LMF1: variants seen among roughly 807,000 people sequenced by gnomAD.
The protein encoded by LMF1 is lipase maturation factor 1, also known as transmembrane protein 112.
A neutral mutation model predicts 60.6 loss-of-function variants in LMF1; 68 were observed. That is an observed-to-expected ratio of 1.12 (90% CI 0.92 to 1.37). The LOEUF is 1.37. Ranked by LOEUF, LMF1 falls within the 40% of genes most tolerant of loss-of-function variation. The pLI is 0.00. For synonymous variants in LMF1, 418 were observed against 324.7 expected (o/e 1.29, Z -3.09); for missense variants, 948 against 767.2 (o/e 1.24, Z -2.78).
At chr16:869,471 C>T (rs2069712231) in intron 9 of LMF1, 2 of 545,746 alleles carry the variant, frequency 3.7e-6, no homozygotes, top group African/African-American at 1.9e-5. Context: ...TGGCTCCGTC[C>T]CCCAGACTGG....
At chr16:973,707 A>G (rs2073086948), upstream of LMF1, among the ~76,000 whole-genome samples, 1 of 152,216 alleles carries the variant, frequency 6.6e-6, no homozygotes, top group African/African-American at 2.4e-5. Context: ...GAATTTTAGA[A>G]AAGTAAAATG....
At chr16:963,668 G>T (rs55671279) in intron 1 of LMF1, among the ~76,000 whole-genome samples, 30,728 of 151,762 alleles carry the variant, frequency 0.2, 3,487 homozygotes, top group South Asian at 0.31. Flanking sequence ...CCTAATTGGC[G>T]CTAGCTGAAG....
intron 3 of LMF1, among the ~76,000 whole-genome samples, chr16:917,765 G>A (rs901788417): frequency 1.3e-5 from 2 of 152,278 alleles, no homozygotes; most frequent in Non-Finnish European, 2.9e-5. Flanking sequence ...TGCTGTGCTC[G>A]CCCGGCACCC....
upstream of LMF1, among the ~76,000 whole-genome samples, chr16:974,420 A>T (rs551029904): frequency 4.3e-4 from 66 of 152,318 alleles, no homozygotes; most frequent in African/African-American, 1.2e-3. Context: ...CTCTAAGAGA[A>T]AAAGCCAGGC....
chr16:974,023 AAAAGT>A (rs1324885995), upstream of LMF1, among the ~76,000 whole-genome samples: 2 of 152,004 alleles, frequency 1.3e-5, no homozygotes, highest in Admixed American at 6.5e-5. Context: ...AAAAAAAAAA[AAAAGT>A]AAAATGAAAA....
rs1030062902 is a variant in LMF1, at chr16:897,774, G to A, written c.664-4702C>T. ...CCTCTAGTCTCCATATCTGAGGGTG[G>A]CCCAGCTGCAGCAGGGGTGGTGCCT... On this transcript the variant is annotated intron_variant, in intron 4 of 10. Coordinates refer to ENST00000262301, the MANE Select transcript of LMF1 (RefSeq NM_022773.4). The surrounding 1 kb of genome is among the most constrained non-coding windows in gnomAD (Gnocchi z 4.3). Among the ~76,000 whole-genome samples, 2 of 152,218 alleles carry A rather than the reference G, an allele frequency of 1.3e-5. No homozygotes were observed. The highest frequency in any genetic ancestry group is 2.9e-5 in the Non-Finnish European group (2 of 68,034).
chr16:865,268 C>CTT (rs1441963687), intron 10 of LMF1, among the ~76,000 whole-genome samples: 2 of 152,238 alleles, frequency 1.3e-5, no homozygotes, highest in Admixed American at 1.3e-4. Flanking sequence ...CTTTGAACTA[C>CTT]TTCAGACAGT....
At chr16:981,303 TGAGAGA>T (rs751174711), upstream of LMF1, 2,937 of 212,192 alleles carry the variant, frequency 0.014, 21 homozygotes, top group Middle Eastern at 0.018. Flanking sequence ...TGTGTGTGTG[TGAGAGA>T]GAGAGAGAGA....
intron 10 of LMF1, among the ~76,000 whole-genome samples, 166 bp downstream of exon 10, chr16:868,778 G>A (rs1015999183): frequency 9.3e-5 from 10 of 107,004 alleles, no homozygotes; most frequent in African/African-American, 6.0e-4. Context: ...ATGTGGGGCG[G>A]GGGGGGGGGG....
At chr16:882,686 G>A (rs1340638414) in intron 5 of LMF1, among the ~76,000 whole-genome samples, 1 of 148,532 alleles carries the variant, frequency 6.7e-6, no homozygotes, top group Non-Finnish European at 1.5e-5. Context: ...AGAGAAGCCA[G>A]CAAGCAGGGC....
rs1032309739 is a variant in LMF1, at chr16:878,478, C to T, written c.897+1092G>A. ...GTAAGGTGAATCACAGGCCTGCTCA[C>T]GATACAGTAGCGCCCTTGAAAATAC... On this transcript the variant is annotated intron_variant, in intron 6 of 10. Coordinates refer to ENST00000262301, the MANE Select transcript of LMF1 (RefSeq NM_022773.4). This position sits in a 1 kb window ranked among gnomAD's most constrained non-coding sequence, Gnocchi z 5.2. Among the ~76,000 whole-genome samples, 52 of 152,266 alleles carry T rather than the reference C, an allele frequency of 3.4e-4. No individual in the cohort carries two copies. Among genetic ancestry groups the T allele is most frequent in the Admixed American group, 2.5e-3 (38 of 15,300 alleles).
intron 3 of LMF1, among the ~76,000 whole-genome samples, chr16:921,431 G>A (rs73499216): frequency 0.12 from 17,857 of 152,280 alleles, 1,201 homozygotes; most frequent in Non-Finnish European, 0.16. Flanking sequence ...AAGTTCACCC[G>A]CCAGCCAGGC....
At chr16:975,322 AT>A (rs761547970), upstream of LMF1, among the ~76,000 whole-genome samples, 44 of 147,994 alleles carry the variant, frequency 3.0e-4, no homozygotes, top group South Asian at 1.7e-3. Context: ...CGAATGTGTA[AT>A]TTTTTTTTTT....
At chr16:952,395 G>C (rs9939259) in intron 2 of LMF1, among the ~76,000 whole-genome samples, 76,172 of 151,784 alleles carry the variant, frequency 0.5, 21,759 homozygotes, top group African/African-American at 0.78. Context: ...GCCCAGATCA[G>C]AGCAATCTGA....
At chr16:958,548 G>A (rs981589201) in intron 1 of LMF1, among the ~76,000 whole-genome samples, 7 of 152,114 alleles carry the variant, frequency 4.6e-5, no homozygotes, top group African/African-American at 9.7e-5. Context: ...AAACCACAGC[G>A]TGCTGTCACC....
In LMF1 at chr16:878,726, G is replaced by A. The variant is rs1328077765; in HGVS notation, c.897+844C>T. Among the ~76,000 whole-genome samples the A allele has an allele frequency of 2.0e-5, 3 of 150,962 alleles. No homozygotes were observed. The highest frequency in any genetic ancestry group is 4.4e-5 in the Non-Finnish European group (3 of 67,802). On this transcript the variant is annotated intron_variant, in intron 6 of 10. Transcript: ENST00000262301. The surrounding 1 kb of genome is among the most constrained non-coding windows in gnomAD (Gnocchi z 5.2). ...TAGGCGGCGGTGCTCTGGCAGGGGT[G>A]GGCAGGGCAGGGGAAGGGCGGGGGC...
Position 934,030 on chromosome 16 carries a change from C to T in LMF1, c.514+214G>A, listed in dbSNP as rs905970196. 18 of 1,505,740 alleles carry T rather than the reference C, an allele frequency of 1.2e-5. No individual in the cohort carries two copies. In the African/African-American group the frequency reaches 1.8e-4, roughly 15 times the overall value. The allele number at this position is 1,505,740 out of a possible 1,614,324, so 93.3% of individuals were successfully genotyped here. On this transcript the variant is annotated intron_variant, in intron 3 of 10. Coordinates refer to ENST00000262301, the MANE Select transcript of LMF1 (RefSeq NM_022773.4). ...CAATCATGCGTGCGACCATCCGTCT[C>T]TAGGTGCCCGGGGCCTGGAAGCCCA... is the stretch of plus-strand genomic sequence containing the variant.
chr16:902,957 T>C (rs2070861140), intron 4 of LMF1, among the ~76,000 whole-genome samples: 1 of 75,980 alleles, frequency 1.3e-5, no homozygotes, highest in African/African-American at 8.3e-5. Flanking sequence ...ACCTCTGCAC[T>C]GCCCGTGGGG....
At chr16:864,653 A>C (rs2069561818) in intron 10 of LMF1, among the ~76,000 whole-genome samples, 1 of 150,768 alleles carries the variant, frequency 6.6e-6, no homozygotes, top group African/African-American at 2.5e-5. Context: ...CATATATTTA[A>C]GTTACTATCT....
Sources: gnomAD v4.1 joint callset for allele counts (sites outside exome capture counted in the v4.1 genomes callset) on GRCh38, gnomAD v4.1.1 for gene constraint, Gnocchi (gnomAD v3.1) non-coding constraint, MANE v1.5 for transcripts, NCBI Gene and HGNC (gene_info 2026-07-23, HGNC 2026-07-21) for gene names.